The following TJP3 variants were observed in gnomAD, a reference collection of about 807,000 sequenced individuals.
TJP3 encodes tight junction protein 3, also known as tight junction protein ZO-3.
Under a neutral mutation model 104.2 loss-of-function variants are expected in TJP3, and 85 were observed. That is an observed-to-expected ratio of 0.82 (90% CI 0.68 to 0.98). The LOEUF (loss-of-function observed/expected upper bound fraction) is 0.98. Among genes scored for constraint, TJP3 ranks in the 50% least tolerant of loss-of-function variants. The pLI, the probability that TJP3 is intolerant of heterozygous loss-of-function variation, is 0.00. For missense variants in TJP3, 1,367 were observed against 1,322.8 expected, an observed-to-expected ratio of 1.03 and a Z score of -0.52; for synonymous variants, 550 against 550.6, an observed-to-expected ratio of 1.00 and a Z score of 0.02.
At chr19:3,728,268 C>A in intron 1 of TJP3, 156 bp from the exon 2 acceptor site, 1 of 1,223,582 alleles carries the variant, frequency 8.2e-7, no homozygotes, top group Admixed American at 2.8e-5. Context: ...AAAAAACAAA[C>A]AAAAAAACCT....
chr19:3,715,664 C>T (rs1047776267), intron 1 of TJP3, among the ~76,000 whole-genome samples: 1 of 152,160 alleles, frequency 6.6e-6, no homozygotes, highest in East Asian at 1.9e-4. Context: ...CATTTGGGGC[C>T]AGATCCTTCT....
At chr19:3,714,707 C>G (rs2036461644) in intron 1 of TJP3, among the ~76,000 whole-genome samples, 1 of 152,062 alleles carries the variant, frequency 6.6e-6, no homozygotes, top group Non-Finnish European at 1.5e-5. Flanking sequence ...GAGTTCGAGA[C>G]CATCCTGGCC....
intron 1 of TJP3, among the ~76,000 whole-genome samples, chr19:3,722,455 A>G (rs147754113): frequency 6.6e-4 from 100 of 151,906 alleles, no homozygotes; most frequent in African/African-American, 2.3e-3. Flanking sequence ...TTCACCTCCT[A>G]CAAGGCTGCA....
Position 3,748,018 on chromosome 19 carries a change from G to A in TJP3, c.2547G>A (p.Val849=). 1 of 1,605,764 alleles carries A rather than the reference G, an allele frequency of 6.2e-7. No homozygotes were observed. The highest frequency in any genetic ancestry group is 1.1e-5 in the South Asian group (1 of 90,158). ...APALARSSEP[V]QADESQSPRD... is the part of the protein sequence containing the mutation. Reference sequence around the variant, plus strand: ...CCCTGGCCCGGTCCTCGGAGCCCGTGCAGGCAGATGAGTCCCAGAGCCCGA... The same window carrying A: ...CCCTGGCCCGGTCCTCGGAGCCCGTACAGGCAGATGAGTCCCAGAGCCCGA... Residue 849 remains valine, a synonymous_variant, in exon 19 of 21, where the codon GTG becomes GTA. Transcript: ENST00000541714.
chr19:3,744,660 CAA>C (rs1345114803), intron 15 of TJP3, among the ~76,000 whole-genome samples: 1 of 125,288 alleles, frequency 8.0e-6, no homozygotes, highest in Non-Finnish European at 1.7e-5. Flanking sequence ...GAGACTCTGT[CAA>C]AAAAAAAAAA....
chr19:3,719,290 C>T (rs2036520878), intron 1 of TJP3, among the ~76,000 whole-genome samples: 1 of 152,094 alleles, frequency 6.6e-6, no homozygotes, highest in African/African-American at 2.4e-5. Flanking sequence ...TGTAGGTATA[C>T]AGTAGGTGTT....
intron 1 of TJP3, among the ~76,000 whole-genome samples, chr19:3,712,330 G>A (rs1023064699): frequency 2.0e-4 from 30 of 151,982 alleles, no homozygotes; most frequent in Non-Finnish European, 3.7e-4. Context: ...ATGTCATTCC[G>A]TGCCCAGAAT....
intron 11 of TJP3, among the ~76,000 whole-genome samples, chr19:3,738,080 A>ATGGCTGTGTCCAT (rs3837988): frequency 0.68 from 101,899 of 149,962 alleles, 34,850 homozygotes; most frequent in Admixed American, 0.78. Context: ...CGGAGAGCAG[A>ATGGCTGTGTCCAT]TGGCTGTGTC....
chr19:3,749,301 T>C (rs2036956927), intron 19 of TJP3, among the ~76,000 whole-genome samples: 1 of 152,138 alleles, frequency 6.6e-6, no homozygotes, highest in Non-Finnish European at 1.5e-5. Context: ...ACATAGTAGT[T>C]GCGTGTCTTT....
intron 1 of TJP3, among the ~76,000 whole-genome samples, chr19:3,709,067 G>A (rs190020312): frequency 1.2e-3 from 182 of 152,270 alleles, no homozygotes; most frequent in Middle Eastern, 3.4e-3. Context: ...TGTTCTCACC[G>A]CTGGAACCTC....
chr19:3,740,537 C>T lies in TJP3; in HGVS notation c.1632-15C>T, dbSNP rs1441040107. 7 of 1,436,758 alleles carry T rather than the reference C, an allele frequency of 4.9e-6. No homozygotes were observed. In the African/African-American group the frequency reaches 8.6e-5, roughly 18 times the overall value. 89.0% of individuals were successfully genotyped at this position (1,436,758 alleles called of 1,614,324 possible). A position where few individuals can be genotyped will look rare whatever the true frequency, so the allele number is the denominator to read the frequency against. ...GCTGACCCCAGTGCTCAGTACTGTC[C>T]CCTCTTCTCCCCAGGGCGGAGCAGC... On this transcript the variant is annotated splice_polypyrimidine_tract_variant and intron_variant, in intron 13 of 20. Coordinates refer to ENST00000541714, the MANE Select transcript of TJP3 (RefSeq NM_001267560.2).
chr19:3,716,292 C>G (rs183594053), intron 1 of TJP3, among the ~76,000 whole-genome samples: 1 of 148,522 alleles, frequency 6.7e-6, no homozygotes, highest in Non-Finnish European at 1.5e-5. Flanking sequence ...AGGCTGCTCT[C>G]GAACTATTGA....
At chr19:3,743,841 C>A in intron 14 of TJP3, 98 bp from the exon 15 acceptor site, 1 of 1,083,336 alleles carries the variant, frequency 9.2e-7, no homozygotes, top group Non-Finnish European at 1.4e-6. Flanking sequence ...GTTAAATAGG[C>A]TGTTTACTAT....
At chr19:3,731,750 G>C (rs891211282) in intron 5 of TJP3, among the ~76,000 whole-genome samples, 185 bp from the exon 6 acceptor site, 1 of 152,160 alleles carries the variant, frequency 6.6e-6, no homozygotes, top group African/African-American at 2.4e-5. Flanking sequence ...TGGTGTCCCC[G>C]CCCCGTGGAG....
At chr19:3,747,259 C>G (rs927838281) in intron 18 of TJP3, among the ~76,000 whole-genome samples, 13 of 151,912 alleles carry the variant, frequency 8.6e-5, no homozygotes, top group African/African-American at 1.2e-4. Context: ...CGAGGTTTCA[C>G]CATGTTGGCC....
At chr19:3,713,283 G>T (rs1245183365) in intron 1 of TJP3, among the ~76,000 whole-genome samples, 1 of 151,958 alleles carries the variant, frequency 6.6e-6, no homozygotes, top group Non-Finnish European at 1.5e-5. Flanking sequence ...CTCCTGCCCC[G>T]TCCTCTCCAC....
chr19:3,733,856 A>G lies in TJP3; in HGVS notation c.821A>G (p.Gln274Arg), dbSNP rs758907822. The change falls in exon 7 of 21, where the codon CAG becomes CGG. Residue 274 changes from glutamine (Q) to arginine (R), a missense_variant. Transcript: ENST00000541714. ...LSLLVLRDRG[Q>R]FLVNIPPAVS... ...CTGCTGGTGCTGAGAGATCGTGGGC[A>G]GTTCCTGGTGAACATTCCGCCTGCT... 16 of 1,614,104 alleles carry G rather than the reference A, an allele frequency of 9.9e-6. No homozygotes were observed. The highest frequency in any genetic ancestry group is 8.5e-7 in the Non-Finnish European group (1 of 1,180,046).
At chr19:3,732,946 A>G (rs1359091387) in intron 6 of TJP3, among the ~76,000 whole-genome samples, 1 of 150,768 alleles carries the variant, frequency 6.6e-6, no homozygotes, top group Non-Finnish European at 1.5e-5. Flanking sequence ...CACCCGGCCG[A>G]CATTAAGTTC....
In TJP3 at chr19:3,743,946, C is replaced by T. The variant is rs1296471256; in HGVS notation, c.1851C>T (p.Phe617=). Residue 617 remains phenylalanine (F), a synonymous_variant, in exon 15 of 21, where the codon TTC becomes TTT. Coordinates refer to ENST00000541714, the MANE Select transcript of TJP3 (RefSeq NM_001267560.2). ...TGTGTCTCTACCCCTCAGCCAGTTT[C>T]AAGCGCCCGGTAGTGATCCTGGGAC... is the stretch of plus-strand genomic sequence containing the variant. The part of the protein sequence containing the change: ...YERVVLREAS[F]KRPVVILGPV... 3 of 1,614,042 alleles carry T rather than the reference C, an allele frequency of 1.9e-6. No homozygotes were observed. In the African/African-American group the frequency reaches 4.0e-5, roughly 22 times the overall value.
Sources: gnomAD v4.1 joint callset for allele counts (sites outside exome capture counted in the v4.1 genomes callset) on GRCh38, gnomAD v4.1.1 for gene constraint, MANE v1.5 for transcripts, NCBI Gene and HGNC (gene_info 2026-07-23, HGNC 2026-07-21) for gene names.